The following TRPC4 variants were observed in gnomAD, a reference collection of about 807,000 sequenced individuals.
TRPC4 encodes the protein transient receptor potential cation channel subfamily C member 4.
In TRPC4, 49 loss-of-function variants were observed where a neutral mutation model predicts 99.4. That is an observed-to-expected ratio of 0.49 (90% CI 0.39 to 0.63). The LOEUF (loss-of-function observed/expected upper bound fraction) is 0.63, where lower values mean the gene tolerates loss of function less well. Among genes scored for constraint, TRPC4 ranks in the 20% least tolerant of loss-of-function variants. TRPC4 has a pLI of 0.00. For synonymous variants in TRPC4, 454 were observed against 425.9 expected (o/e 1.07, Z -0.81); for missense variants, 898 against 1,152.9 (o/e 0.78, Z 3.20).
At chr13:37,743,621 C>T (rs1036946672) in intron 3 of TRPC4, among the ~76,000 whole-genome samples, 7 of 151,994 alleles carry the variant, frequency 4.6e-5, no homozygotes, top group East Asian at 1.9e-4. Context: ...CCAAGTGCCC[C>T]GTGCATTTCC....
intron 3 of TRPC4, among the ~76,000 whole-genome samples, chr13:37,706,011 T>C (rs1183341158): frequency 6.6e-6 from 1 of 152,204 alleles, no homozygotes; most frequent in African/African-American, 2.4e-5. Flanking sequence ...CAGAGTTAAT[T>C]GTTCTAAGTA....
chr13:37,665,292 G>T (rs12585258), intron 5 of TRPC4, among the ~76,000 whole-genome samples: 1 of 151,988 alleles, frequency 6.6e-6, no homozygotes, highest in Admixed American at 6.6e-5. Context: ...TTCTATCAGC[G>T]ATACAATTAG....
intron 3 of TRPC4, among the ~76,000 whole-genome samples, chr13:37,722,540 C>G (rs1385482491): frequency 6.6e-6 from 1 of 152,106 alleles, no homozygotes; most frequent in East Asian, 1.9e-4. Context: ...ACTAGAAGAA[C>G]AAACACTTGG....
chr13:37,796,993 GTAAAGTAAAGTAAAA>G lies in TRPC4; in HGVS notation c.-27-13648_-27-13634del, dbSNP rs148589326. ...ATAAAGTAAAGTAAAGTAAAGTAAA[GTAAAGTAAAGTAAAA>G]TAAAATAAAATACAAGTAAGAATTA... On this transcript the variant is annotated intron_variant, in intron 1 of 10. Transcript: ENST00000379705. 3.3e-3 allele frequency among the ~76,000 whole-genome samples: 356 copies of G among 106,462 alleles called. 32 individuals are homozygous for G. The highest frequency in any genetic ancestry group is 4.4e-3 in the Admixed American group (42 of 9,528). 69.8% of individuals were successfully genotyped at this position (106,462 alleles called of 152,430 possible). A position where few individuals can be genotyped will look rare whatever the true frequency, so the allele number is the denominator to read the frequency against.
intron 1 of TRPC4, among the ~76,000 whole-genome samples, chr13:37,865,145 G>C (rs145288387): frequency 6.6e-6 from 1 of 151,620 alleles, no homozygotes; most frequent in South Asian, 2.1e-4. Flanking sequence ...TCAGCTAATC[G>C]ATGTCTTTTG....
In TRPC4 at chr13:37,663,518, G is replaced by A; in HGVS notation, c.1586C>T (p.Ala529Val). 6.2e-7 allele frequency: 1 copy of A among 1,614,174 alleles called. No homozygotes were observed. Among genetic ancestry groups the A allele is most frequent in the Non-Finnish European group, 8.5e-7 (1 of 1,180,012 alleles). ...FLFIYCLVLL[A>V]FANGLNQLYF... is the part of the protein sequence containing the mutation. ...CAATTGATTTAGGCCATTTGCAAAT[G>A]CTAGCAACACAAGGCAGTATATGAA... Residue 529 changes from alanine (A) to valine (V), a missense_variant, in exon 6 of 11, where the codon GCA becomes GTA. By Grantham distance (64) the Ala-to-Val change is moderately conservative (BLOSUM62 0). Coordinates refer to ENST00000379705, the MANE Select transcript of TRPC4 (RefSeq NM_016179.4).
At chr13:37,812,176 C>CAAAAAAAAAAAAAAAA (rs61607544) in intron 1 of TRPC4, among the ~76,000 whole-genome samples, 9 of 55,156 alleles carry the variant, frequency 1.6e-4, no homozygotes, top group African/African-American at 4.7e-4. Flanking sequence ...GAGACTCTAT[C>CAAAAAAAAAAAAAAAA]AAAAAAAAAA....
intron 3 of TRPC4, among the ~76,000 whole-genome samples, chr13:37,731,580 C>CTAGG (rs1268443690): frequency 2.6e-5 from 4 of 151,880 alleles, no homozygotes; most frequent in African/African-American, 9.7e-5. Context: ...GTACAGCTTC[C>CTAGG]TAGGCATTTG....
chr13:37,660,637 C>T (rs1359626012), intron 6 of TRPC4, among the ~76,000 whole-genome samples: 1 of 152,090 alleles, frequency 6.6e-6, no homozygotes, highest in Non-Finnish European at 1.5e-5. Flanking sequence ...TAATCCTCTA[C>T]CATTGCCAAT....
At chr13:37,739,090 C>G (rs1955500207) in intron 3 of TRPC4, among the ~76,000 whole-genome samples, 1 of 151,926 alleles carries the variant, frequency 6.6e-6, no homozygotes, top group African/African-American at 2.4e-5. Flanking sequence ...AATGTGAAAA[C>G]AAATAATGAA....
intron 1 of TRPC4, among the ~76,000 whole-genome samples, chr13:37,860,251 A>G (rs1269773181): frequency 6.6e-6 from 1 of 151,458 alleles, no homozygotes; most frequent in African/African-American, 2.4e-5. Context: ...TAGACAGGAC[A>G]TTTGAAAATA....
chr13:37,752,669 A>G (rs142779590), intron 2 of TRPC4, among the ~76,000 whole-genome samples: 1 of 151,172 alleles, frequency 6.6e-6, no homozygotes, highest in Non-Finnish European at 1.5e-5. Flanking sequence ...ACAGCCTTTC[A>G]TTTGTACACA....
chr13:37,688,783 A>G (rs1297434274), intron 4 of TRPC4, among the ~76,000 whole-genome samples: 1 of 152,246 alleles, frequency 6.6e-6, no homozygotes. Context: ...AGAAAAAACC[A>G]TAAACAGAGT....
Position 37,791,345 on chromosome 13 carries a change from G to A in TRPC4, c.-27-7985C>T, listed in dbSNP as rs183924330. Among the ~76,000 whole-genome samples, 719 of 146,748 alleles carry A rather than the reference G, an allele frequency of 4.9e-3. 7 individuals carry two copies. Among genetic ancestry groups the A allele is most frequent in the Middle Eastern group, 0.029 (8 of 280 alleles). Reference sequence around the variant, plus strand: ...TGGGAGGTGGAGGTTGCAGTGAGCCGATATCGTGCCACTACACTCCAGCCT... The same window carrying A: ...TGGGAGGTGGAGGTTGCAGTGAGCCAATATCGTGCCACTACACTCCAGCCT... On this transcript the variant is annotated intron_variant, in intron 1 of 10. Coordinates refer to ENST00000379705, the MANE Select transcript of TRPC4 (RefSeq NM_016179.4).
chr13:37,682,886 C>A (rs1320920030), intron 4 of TRPC4, among the ~76,000 whole-genome samples: 1 of 150,436 alleles, frequency 6.6e-6, no homozygotes, highest in African/African-American at 2.5e-5. Context: ...GGTAGAGGAG[C>A]AAGGACTAGA....
intron 1 of TRPC4, among the ~76,000 whole-genome samples, chr13:37,784,029 G>A (rs866787997): frequency 3.3e-5 from 5 of 151,944 alleles, no homozygotes; most frequent in African/African-American, 1.2e-4. Context: ...ATGCTAGTAA[G>A]TAGTGACATC....
chr13:37,823,747 C>T (rs1490178838), intron 1 of TRPC4, among the ~76,000 whole-genome samples: 14 of 145,844 alleles, frequency 9.6e-5, no homozygotes, highest in East Asian at 2.1e-4. Context: ...ATTGACTTGG[C>T]GATGCGGGCT....
intron 5 of TRPC4, among the ~76,000 whole-genome samples, chr13:37,671,718 G>A (rs1395317480): frequency 1.3e-5 from 2 of 152,144 alleles, no homozygotes; most frequent in Non-Finnish European, 2.9e-5. Context: ...AAATAGAGGT[G>A]AAGAAACAGG....
intron 2 of TRPC4, among the ~76,000 whole-genome samples, chr13:37,777,744 C>G (rs764115891): frequency 5.9e-5 from 9 of 151,878 alleles, no homozygotes; most frequent in Non-Finnish European, 1.2e-4. Flanking sequence ...TACATGATAC[C>G]TTATAAAAAC....
Sources: allele counts gnomAD v4.1 joint callset (sites outside exome capture counted in the v4.1 genomes callset), GRCh38; gene constraint gnomAD v4.1.1; transcripts MANE v1.5; gene names NCBI Gene and HGNC (gene_info 2026-07-23, HGNC 2026-07-21).